The following PTN variants were observed in gnomAD, a reference collection of about 807,000 sequenced individuals.
PTN encodes heparin affin regulatory protein.
Under a neutral mutation model 24.1 loss-of-function variants are expected in PTN, and 18 were observed. The observed-to-expected ratio is 0.75, with a 90% CI of 0.52 to 1.11. The LOEUF is 1.11. PTN is among the 50% of genes least tolerant of loss of function. The pLI, the probability that PTN is intolerant of heterozygous loss-of-function variation, is 0.00. For synonymous variants in PTN, 78 were observed against 68.6 expected (o/e 1.14, Z -0.67); for missense variants, 163 against 198.8 (o/e 0.82, Z 1.08).
At position 137,289,307 on chromosome 7, in the gene PTN, C is replaced by CT. The variant is rs1809604894; in HGVS notation, c.-1-34334dup. On this transcript the variant is annotated intron_variant, in intron 1 of 4. Transcript: ENST00000348225. ...CAAATGACTTTACACTGGAGGGTTTCTTTTTTATCAAAGGGAAAGAGCAGT... is the reference window on the plus strand; with the variant it reads ...CAAATGACTTTACACTGGAGGGTTTCTTTTTTTATCAAAGGGAAAGAGCAGT... Among the ~76,000 whole-genome samples the CT allele has an allele frequency of 7.2e-5, 11 of 152,220 alleles. No individual in the cohort carries two copies. In the South Asian group the frequency reaches 2.3e-3, roughly 32 times the overall value.
intron 1 of PTN, among the ~76,000 whole-genome samples, chr7:137,332,855 G>A (rs978091130): frequency 1.3e-5 from 2 of 152,084 alleles, no homozygotes; most frequent in Non-Finnish European, 2.9e-5. Flanking sequence ...TTCTGCTACT[G>A]GGCACAATGA....
At chr7:137,251,514 T>C (rs1808826843) in intron 3 of PTN, 123 bp from the exon 4 acceptor site, 2 of 1,074,834 alleles carry the variant, frequency 1.9e-6, no homozygotes, top group Non-Finnish European at 1.4e-6. Flanking sequence ...TATGCAGCTA[T>C]AAGAAATAAT....
At chr7:137,276,066 A>G (rs1490298079) in intron 1 of PTN, among the ~76,000 whole-genome samples, 1 of 152,212 alleles carries the variant, frequency 6.6e-6, no homozygotes, top group Non-Finnish European at 1.5e-5. Context: ...ACAAATAACT[A>G]TTGTTTGGCT....
chr7:137,291,838 T>A (rs1296178476), intron 1 of PTN, among the ~76,000 whole-genome samples: 1 of 152,216 alleles, frequency 6.6e-6, no homozygotes, highest in Admixed American at 6.5e-5. Context: ...TGCTGAAACA[T>A]AAATTTCTAG....
chr7:137,311,423 A>G (rs1809981330), intron 1 of PTN, among the ~76,000 whole-genome samples: 1 of 152,058 alleles, frequency 6.6e-6, no homozygotes, highest in Non-Finnish European at 1.5e-5. Flanking sequence ...TTCTTCAAGC[A>G]CCTTTCCTTT....
intron 1 of PTN, among the ~76,000 whole-genome samples, chr7:137,281,179 C>T (rs1017001219): frequency 5.9e-5 from 9 of 151,628 alleles, no homozygotes; most frequent in Non-Finnish European, 1.2e-4. Context: ...TCTTCAAGAG[C>T]TCATAGAATA....
chr7:137,324,344 T>C (rs1288992739), intron 1 of PTN, among the ~76,000 whole-genome samples: 1 of 147,824 alleles, frequency 6.8e-6, no homozygotes, highest in East Asian at 2.0e-4. Context: ...GGGCTCAAGC[T>C]GTAGTGTGCA....
intron 1 of PTN, among the ~76,000 whole-genome samples, chr7:137,312,085 A>G (rs151297604): frequency 6.6e-6 from 1 of 152,274 alleles, no homozygotes; most frequent in Admixed American, 6.5e-5. Context: ...GCAACTCCTA[A>G]TCCCTAATGA....
rs1191174204 is a variant in PTN at position 137,265,006 on chromosome 7, A to ACACAC, written c.-1-10033_-1-10032insGTGTG. 1.3e-4 allele frequency among the ~76,000 whole-genome samples: 20 copies of ACACAC among 149,904 alleles called. No individual in the cohort carries two copies. In the East Asian group the frequency reaches 3.9e-3, roughly 30 times the overall value. On this transcript the variant is annotated intron_variant, in intron 1 of 4. Coordinates refer to ENST00000348225, the MANE Select transcript of PTN (RefSeq NM_002825.7). ...TTTTTTTTTTTGACACATAGAGTGTAAAAAGTTTTGTCAGGTCAGGTGGCC... is the reference window on the plus strand; with the variant it reads ...TTTTTTTTTTTGACACATAGAGTGTACACACAAAAGTTTTGTCAGGTCAGGTGGCC...
chr7:137,341,845 T>C (rs1045504411), intron 1 of PTN, among the ~76,000 whole-genome samples: 1 of 152,104 alleles, frequency 6.6e-6, no homozygotes, highest in Admixed American at 6.5e-5. Context: ...AAGGATGGCA[T>C]TAGAGTTTTT....
intron 4 of PTN, among the ~76,000 whole-genome samples, chr7:137,238,062 T>C (rs1291973072): frequency 6.6e-6 from 1 of 152,176 alleles, no homozygotes; most frequent in Admixed American, 6.6e-5. Flanking sequence ...CTACAAATAT[T>C]GTTTACTCCT....
At chr7:137,316,618 G>A (rs1810076402) in intron 1 of PTN, among the ~76,000 whole-genome samples, 1 of 152,204 alleles carries the variant, frequency 6.6e-6, no homozygotes, top group Non-Finnish European at 1.5e-5. Flanking sequence ...CCAGATAGCA[G>A]AGGATCGAGC....
chr7:137,298,681 C>A (rs1391308897), intron 1 of PTN, among the ~76,000 whole-genome samples: 2 of 151,922 alleles, frequency 1.3e-5, no homozygotes, highest in Admixed American at 1.3e-4. Flanking sequence ...TGCCTTCCTG[C>A]CCAAAATAGA....
chr7:137,303,784 T>C lies in PTN; in HGVS notation c.-2+39655A>G, dbSNP rs373213113. ...TATAGAATTTCTTTCAGTTTAACTA[T>C]GAGACAACCGCTAAGAAACTAAACC... On this transcript the variant is annotated intron_variant, in intron 1 of 4. Transcript: ENST00000348225. Among the ~76,000 whole-genome samples, 8 of 152,128 alleles carry C rather than the reference T, an allele frequency of 5.3e-5. No individual in the cohort carries two copies. The East Asian group carries it at 1.2e-3, about 22-fold the overall frequency.
At chr7:137,288,073 T>TG (rs1809584995) in intron 1 of PTN, among the ~76,000 whole-genome samples, 1 of 152,180 alleles carries the variant, frequency 6.6e-6, no homozygotes, top group Non-Finnish European at 1.5e-5. Context: ...TCCAGGGTTT[T>TG]GGGGTCAGGT....
intron 4 of PTN, among the ~76,000 whole-genome samples, chr7:137,249,436 G>A (rs1585011744): frequency 6.6e-6 from 1 of 152,160 alleles, no homozygotes; most frequent in East Asian, 1.9e-4. Flanking sequence ...GATGCTGATT[G>A]GGTTAGTCTG....
intron 1 of PTN, among the ~76,000 whole-genome samples, chr7:137,322,372 T>G (rs1013881187): frequency 6.6e-6 from 1 of 152,254 alleles, no homozygotes; most frequent in Non-Finnish European, 1.5e-5. Flanking sequence ...TTTTTAGGAG[T>G]GACATATGAG....
At chr7:137,320,466 T>TA (rs1344728041) in intron 1 of PTN, among the ~76,000 whole-genome samples, 1 of 152,236 alleles carries the variant, frequency 6.6e-6, no homozygotes, top group Non-Finnish European at 1.5e-5. Context: ...TAGAATTTGA[T>TA]ACTCTTCCTT....
intron 1 of PTN, among the ~76,000 whole-genome samples, chr7:137,273,754 G>T (rs1397267888): frequency 2.0e-5 from 3 of 152,124 alleles, no homozygotes; most frequent in Non-Finnish European, 4.4e-5. Context: ...AAGTAGTCTG[G>T]AGAAGAGACA....
Sources: gnomAD v4.1 joint callset for allele counts (sites outside exome capture counted in the v4.1 genomes callset) on GRCh38, gnomAD v4.1.1 for gene constraint, MANE v1.5 for transcripts, NCBI Gene and HGNC (gene_info 2026-07-23, HGNC 2026-07-21) for gene names.